The following FRMD6 variants were observed in gnomAD, a reference collection of about 807,000 sequenced individuals.
The protein encoded by FRMD6 is FERM domain containing 6.
Under a neutral mutation model 73.2 loss-of-function variants are expected in FRMD6, and 37 were observed. The observed-to-expected ratio is 0.51, with a 90% CI of 0.39 to 0.66. The LOEUF (loss-of-function observed/expected upper bound fraction) is 0.66, where lower values mean the gene tolerates loss of function less well. FRMD6 is among the 30% of genes least tolerant of loss of function. The pLI is 0.00. For synonymous variants in FRMD6, 273 were observed against 282.2 expected, an observed-to-expected ratio of 0.97 and a Z score of 0.33; for missense variants, 714 against 780.5, an observed-to-expected ratio of 0.91 and a Z score of 1.02.
At chr14:51,416,804 C>G in the FRMD6 span, among the ~76,000 whole-genome samples, 1 of 152,176 alleles carries the variant, frequency 6.6e-6, no homozygotes, top group African/African-American at 2.4e-5. Flanking sequence ...CTTTGTAGGT[C>G]TCTAAGGACT....
intron 2 of FRMD6, among the ~76,000 whole-genome samples, chr14:51,639,268 T>C (rs1225935857): frequency 1.3e-5 from 2 of 152,000 alleles, no homozygotes; most frequent in Non-Finnish European, 2.9e-5. Context: ...ACCCTGTCTC[T>C]ACTAAAAATA....
rs141802248 is a variant in FRMD6, at chr14:51,702,623, T to G, written c.371+35T>G. ...CAGGGGGTGATTCTAAACGCTTTTTTTTCCCCCATAGCACTTTTTCTAACA... is the reference window on the plus strand; with the variant it reads ...CAGGGGGTGATTCTAAACGCTTTTTGTTCCCCCATAGCACTTTTTCTAACA... On this transcript the variant is annotated intron_variant, in intron 5 of 13. Transcript: ENST00000344768. The G allele has an allele frequency of 3.9e-4, 592 of 1,530,158 alleles. 4 individuals carry two copies. In the East Asian group the frequency reaches 0.012, roughly 30 times the overall value. The allele number at this position is 1,530,158 out of a possible 1,614,324, so 94.8% of individuals were successfully genotyped here.
At chr14:51,519,430 G>C (rs1190997828) in intron 1 of FRMD6, among the ~76,000 whole-genome samples, 1 of 152,088 alleles carries the variant, frequency 6.6e-6, no homozygotes, top group Non-Finnish European at 1.5e-5. Context: ...GATTACAGGT[G>C]TGAGCCACTG....
At chr14:51,558,494 A>C (rs1887284176) in intron 1 of FRMD6, among the ~76,000 whole-genome samples, 1 of 151,808 alleles carries the variant, frequency 6.6e-6, no homozygotes, top group Non-Finnish European at 1.5e-5. Flanking sequence ...AAAAAACAAA[A>C]CTAAATGAGC....
intron 1 of FRMD6, among the ~76,000 whole-genome samples, chr14:51,658,141 C>T (rs1021757006): frequency 6.6e-6 from 1 of 152,224 alleles, no homozygotes; most frequent in African/African-American, 2.4e-5. Flanking sequence ...TTGGGGGGCT[C>T]ACTGCCTGGA....
intron 1 of FRMD6, among the ~76,000 whole-genome samples, chr14:51,661,571 C>A (rs1272786700): frequency 6.6e-6 from 1 of 152,000 alleles, no homozygotes; most frequent in African/African-American, 2.4e-5. Flanking sequence ...TAAAAAGGAG[C>A]AAGCAGAGGA....
intron 2 of FRMD6, among the ~76,000 whole-genome samples, chr14:51,592,409 A>G (rs1176408028): frequency 6.6e-6 from 1 of 152,226 alleles, no homozygotes; most frequent in Non-Finnish European, 1.5e-5. Context: ...ATGTATTTAT[A>G]TGTTATCCTT....
the FRMD6 span, among the ~76,000 whole-genome samples, chr14:51,403,474 C>T: frequency 1.3e-5 from 2 of 152,278 alleles, no homozygotes; most frequent in East Asian, 3.9e-4. Flanking sequence ...GATCATGTCT[C>T]ACTGCAGCCT....
chr14:51,727,807 A>C lies in FRMD6; in HGVS notation c.1647A>C (p.Arg549Ser), dbSNP rs765686277. The change falls in exon 14 of 14, where the codon AGA becomes AGC. Residue 549 changes from arginine (R) to serine (S), a missense_variant. Coordinates refer to ENST00000344768, the MANE Select transcript of FRMD6 (RefSeq NM_001267046.2). ...DRHSLSLDDI[R>S]LYQKDFLRIA... ...ACAGCTTGAGCCTCGATGACATCAG[A>C]CTTTACCAGAAAGACTTCCTGCGCA... The C allele has an allele frequency of 1.9e-6, 3 of 1,614,020 alleles. No homozygotes were observed. The East Asian group carries it at 6.7e-5, about 36-fold the overall frequency.
intron 2 of FRMD6, among the ~76,000 whole-genome samples, chr14:51,586,290 A>G (rs1283985665): frequency 6.6e-6 from 1 of 152,100 alleles, no homozygotes; most frequent in Non-Finnish European, 1.5e-5. Flanking sequence ...CTGGTATAAG[A>G]TGATACCTCA....
chr14:51,726,533 C>T (rs751624605), intron 13 of FRMD6, among the ~76,000 whole-genome samples: 15 of 152,034 alleles, frequency 9.9e-5, no homozygotes, highest in African/African-American at 1.2e-4. Flanking sequence ...TTTTCTCTTC[C>T]TCTTTCCTCC....
chr14:51,647,954 T>C (rs1892153890), upstream of FRMD6, among the ~76,000 whole-genome samples: 1 of 152,092 alleles, frequency 6.6e-6, no homozygotes, highest in Non-Finnish European at 1.5e-5. Flanking sequence ...GCCTCCTGAG[T>C]AGCTGGGATT....
intron 1 of FRMD6, among the ~76,000 whole-genome samples, chr14:51,551,392 T>A (rs1432794713): frequency 6.6e-6 from 1 of 152,232 alleles, no homozygotes; most frequent in Non-Finnish European, 1.5e-5. Flanking sequence ...GTTGTAATCC[T>A]ATTATACACA....
At position 51,520,731 on chromosome 14, in the gene FRMD6, C is replaced by T. The variant is rs189831990; in HGVS notation, c.-210+31311C>T. 4.6e-5 allele frequency among the ~76,000 whole-genome samples: 7 copies of T among 152,146 alleles called. No individual in the cohort carries two copies. The East Asian group carries it at 1.4e-3, about 29-fold the overall frequency. ...TAGGCAACATGGCAAAACTCCATTT[C>T]TACAAAAAATTCAAAAATTAGCCAA... On this transcript the variant is annotated intron_variant, in intron 1 of 14. Coordinates refer to the FRMD6 transcript ENST00000356218.
intron 2 of FRMD6, among the ~76,000 whole-genome samples, chr14:51,576,824 A>G (rs186128911): frequency 6.4e-4 from 98 of 152,328 alleles, no homozygotes; most frequent in African/African-American, 1.5e-3. Context: ...GTTGTATGGA[A>G]GACAGGTCCT....
At chr14:51,661,414 T>C (rs1034381006) in intron 1 of FRMD6, among the ~76,000 whole-genome samples, 2 of 152,110 alleles carry the variant, frequency 1.3e-5, no homozygotes, top group Non-Finnish European at 2.9e-5. Context: ...ATGTTATCAC[T>C]AGAAGATATT....
At chr14:51,540,365 T>G (rs192908916) in intron 1 of FRMD6, among the ~76,000 whole-genome samples, 123 of 152,290 alleles carry the variant, frequency 8.1e-4, no homozygotes, top group African/African-American at 2.7e-3. Flanking sequence ...TTGATGTATA[T>G]TTTAGATGTT....
chr14:51,726,138 G>A (rs1013155672), intron 13 of FRMD6, among the ~76,000 whole-genome samples: 8 of 152,230 alleles, frequency 5.3e-5, no homozygotes, highest in South Asian at 2.1e-4. Context: ...GGCTTCAGGC[G>A]AACCACGTGT....
chr14:51,430,606 A>C, the FRMD6 span, among the ~76,000 whole-genome samples: 1 of 151,972 alleles, frequency 6.6e-6, no homozygotes, highest in Admixed American at 6.6e-5. Flanking sequence ...AATCATAAAA[A>C]AAAAAACAAA....
Sources: allele counts gnomAD v4.1 joint callset (sites outside exome capture counted in the v4.1 genomes callset), GRCh38; gene constraint gnomAD v4.1.1; transcripts MANE v1.5; gene names NCBI Gene and HGNC (gene_info 2026-07-23, HGNC 2026-07-21).